SLC18B1: variants seen among roughly 807,000 people sequenced by gnomAD.
SLC18B1 encodes the protein solute carrier family 18 member B1, also known as MFS-type transporter SLC18B1.
In SLC18B1, 62 loss-of-function variants were observed where a neutral mutation model predicts 53.9. That is an observed-to-expected ratio of 1.15 (90% confidence interval 0.94 to 1.42). The LOEUF is 1.42. Among genes scored for constraint, SLC18B1 ranks in the 40% most tolerant of loss-of-function variants. The pLI is 0.00. For missense variants in SLC18B1, 598 were observed against 547.3 expected (o/e 1.09, Z -0.93); for synonymous variants, 217 against 200.9 (o/e 1.08, Z -0.68).
Position 132,798,466 on chromosome 6 carries a change from G to C in SLC18B1, c.-10C>G. 1 of 1,509,878 alleles carries C rather than the reference G, an allele frequency of 6.6e-7. No homozygotes were observed. Among genetic ancestry groups the C allele is most frequent in the Non-Finnish European group, 8.9e-7 (1 of 1,124,512 alleles). The allele number at this position is 1,509,878 out of a possible 1,614,324, so 93.5% of individuals were successfully genotyped here. A position where few individuals can be genotyped will look rare whatever the true frequency, so the allele number is the denominator to read the frequency against. The stretch of plus-strand genomic sequence containing the variant: ...CACCCAGCGCCTCCATCCCCGGTGC[G>C]TGGACTCCGGCGCCCCAGCTCCCGG... On this transcript the variant is annotated 5_prime_UTR_variant, in exon 1 of 14. Coordinates refer to ENST00000275227, the MANE Select transcript of SLC18B1 (RefSeq NM_052831.3).
chr6:132,798,343 A>G (rs1164737272), intron 1 of SLC18B1, 71 bp downstream of exon 1: 3 of 1,429,358 alleles, frequency 2.1e-6, no homozygotes, highest in South Asian at 1.4e-5. Flanking sequence ...AAGCAATTCA[A>G]TCGTTGCTAA....
At chr6:132,772,846 A>G (rs1269020656) in intron 10 of SLC18B1, 147 bp downstream of exon 10, 3 of 592,458 alleles carry the variant, frequency 5.1e-6, no homozygotes, top group Non-Finnish European at 9.1e-6. Flanking sequence ...TACTATTTAT[A>G]TCATAATATC....
intron 1 of SLC18B1, among the ~76,000 whole-genome samples, chr6:132,797,340 C>T (rs1208540612): frequency 1.3e-5 from 2 of 152,236 alleles, no homozygotes; most frequent in Non-Finnish European, 2.9e-5. Context: ...TGGCTCACGC[C>T]TGTAATCCCA....
At chr6:132,781,038 G>T (rs544698837) in intron 6 of SLC18B1, among the ~76,000 whole-genome samples, 1 of 152,194 alleles carries the variant, frequency 6.6e-6, no homozygotes, top group East Asian at 1.9e-4. Flanking sequence ...TTTTTGAATT[G>T]TATATACTAA....
chr6:132,785,861 G>C (rs1254866635), intron 5 of SLC18B1, among the ~76,000 whole-genome samples: 4 of 116,642 alleles, frequency 3.4e-5, no homozygotes, highest in South Asian at 5.2e-4. Context: ...AGGTGTTCAA[G>C]ACCAGCCTGG....
At chr6:132,772,925 T>C in intron 10 of SLC18B1, 68 bp downstream of exon 10, 1 of 1,170,976 alleles carries the variant, frequency 8.5e-7, no homozygotes. Context: ...AATTGAGAAA[T>C]TCAAGAAAGC....
At chr6:132,777,161 A>G (rs1400785816) in intron 7 of SLC18B1, among the ~76,000 whole-genome samples, 1 of 151,916 alleles carries the variant, frequency 6.6e-6, no homozygotes, top group Non-Finnish European at 1.5e-5. Context: ...GAATTGCTTG[A>G]ACTTAGGAGG....
chr6:132,790,860 G>T (rs72996126), intron 2 of SLC18B1, among the ~76,000 whole-genome samples: 2 of 152,054 alleles, frequency 1.3e-5, no homozygotes, highest in Admixed American at 1.3e-4. Flanking sequence ...GACATTCTAC[G>T]TTCTCCTGAA....
In SLC18B1 at chr6:132,770,178, T is replaced by C; in HGVS notation, c.*92A>G. 9.5e-7 allele frequency: 1 copy of C among 1,052,056 alleles called. No individual in the cohort carries two copies. Among genetic ancestry groups the C allele is most frequent in the Non-Finnish European group, 1.5e-6 (1 of 685,294 alleles). 65.2% of individuals were successfully genotyped at this position (1,052,056 alleles called of 1,614,324 possible). ...CACTGGCACGGGGTCCACGGAGTTT[T>C]GCGCGTAAAATTTTAAAAACCCTTC... On this transcript the variant is annotated 3_prime_UTR_variant, in exon 14 of 14. Coordinates refer to ENST00000275227, the MANE Select transcript of SLC18B1 (RefSeq NM_052831.3).
intron 10 of SLC18B1, among the ~76,000 whole-genome samples, chr6:132,772,748 A>G (rs1489141959): frequency 6.6e-6 from 1 of 152,200 alleles, no homozygotes. Context: ...AAAATTACTT[A>G]CATACTGAGG....
rs1477235399 is a variant in SLC18B1 at position 132,777,264 on chromosome 6, A to T, written c.796-835T>A. On this transcript the variant is annotated intron_variant, in intron 7 of 13. Transcript: ENST00000275227. ...TCAAAAGCAAAAAAAGTTCTGATAT[A>T]GTCCATCATCAGCCAGGAACAAGTA... Among the ~76,000 whole-genome samples, 3 of 152,080 alleles carry T rather than the reference A, an allele frequency of 2.0e-5. No homozygotes were observed. The East Asian group carries it at 5.8e-4, about 29-fold the overall frequency.
chr6:132,792,247 G>GA (rs1186980146), intron 2 of SLC18B1, among the ~76,000 whole-genome samples: 1 of 15,702 alleles, frequency 6.4e-5, no homozygotes, highest in African/African-American at 4.8e-4. Flanking sequence ...AAGAAAGAAA[G>GA]AAAGAAAGAA....
At chr6:132,791,956 G>A (rs1159592511) in intron 2 of SLC18B1, among the ~76,000 whole-genome samples, 2 of 151,960 alleles carry the variant, frequency 1.3e-5, no homozygotes, top group Non-Finnish European at 2.9e-5. Flanking sequence ...TGCCGGGCAT[G>A]GGGGCTCACG....
Position 132,772,145 on chromosome 6 carries a change from T to G in SLC18B1, c.1147A>C (p.Met383Leu). 2.5e-6 allele frequency: 4 copies of G among 1,572,262 alleles called. No homozygotes were observed. The highest frequency in any genetic ancestry group is 3.4e-6 in the Non-Finnish European group (4 of 1,165,824). ...ATGACTACTCACCCAATTGACCACA[T>G]TGCACTAAAAAGACCTGATACAAGT... The part of the protein sequence containing the change: ...LGLVSGLFSA[M>L]WSIGAFMGPT... Residue 383 changes from methionine (M) to leucine (L), a missense_variant, in exon 11 of 14, where the codon ATG (methionine) becomes CTG (leucine). Met to Leu is a conservative substitution (Grantham distance 15). Coordinates refer to ENST00000275227, the MANE Select transcript of SLC18B1 (RefSeq NM_052831.3).
chr6:132,788,175 GAAA>G (rs11326475), intron 4 of SLC18B1, among the ~76,000 whole-genome samples: 2 of 112,108 alleles, frequency 1.8e-5, no homozygotes, highest in African/African-American at 2.9e-5. Flanking sequence ...AAAAGAAAAA[GAAA>G]AAAAAAAAAA....
intron 11 of SLC18B1, 98 bp from the exon 12 acceptor site, chr6:132,771,227 A>T (rs754102848): frequency 6.7e-5 from 72 of 1,077,358 alleles, no homozygotes; most frequent in Non-Finnish European, 9.7e-5. Flanking sequence ...TCTTCATTAC[A>T]TTGGAAGATA....
Position 132,790,244 on chromosome 6 carries a change from A to T in SLC18B1, c.212T>A (p.Ile71Asn), listed in dbSNP as rs150134749. Reference sequence around the variant, plus strand: ...AAAACATCCAAAGATCATACCGATAATTGTATTGCTGGCTCCCTTCTTTTC... The same window carrying T: ...AAAACATCCAAAGATCATACCGATATTTGTATTGCTGGCTCCCTTCTTTTC... ...EAEKKGASNT[I>N]IGMIFGCFAL... Residue 71 changes from isoleucine to asparagine, a missense_variant, in exon 3 of 14, where the codon ATT (isoleucine) becomes AAT (asparagine). Coordinates refer to ENST00000275227, the MANE Select transcript of SLC18B1 (RefSeq NM_052831.3). The T allele has an allele frequency of 3.9e-4, 615 of 1,571,804 alleles. 1 individual carries two copies. Among genetic ancestry groups the T allele is most frequent in the Non-Finnish European group, 5.0e-4 (575 of 1,156,512 alleles).
intron 2 of SLC18B1, among the ~76,000 whole-genome samples, chr6:132,791,597 T>G (rs1049958672): frequency 3.2e-4 from 48 of 152,264 alleles, no homozygotes; most frequent in East Asian, 1.9e-4. Context: ...AGGAAGGATC[T>G]CTCTCTTACT....
At chr6:132,789,863 G>A in intron 3 of SLC18B1, 26 bp from the exon 4 acceptor site, 1 of 1,511,200 alleles carries the variant, frequency 6.6e-7, no homozygotes, top group African/African-American at 1.4e-5. Flanking sequence ...AAGAAGAGTG[G>A]TAAATTTATG....
Sources: allele counts gnomAD v4.1 joint callset (sites outside exome capture counted in the v4.1 genomes callset), GRCh38; gene constraint gnomAD v4.1.1; transcripts MANE v1.5; gene names NCBI Gene and HGNC (gene_info 2026-07-23, HGNC 2026-07-21).